Variants in NUP210 observed in about 807,000 individuals in gnomAD.
NUP210 encodes nuclear pore membrane glycoprotein 210.
NUP210 carries 151 observed loss-of-function variants against 196.0 expected under a neutral mutation model. That is an observed-to-expected ratio of 0.77 (90% CI 0.67 to 0.88). The LOEUF is 0.88. NUP210 is among the 40% of genes least tolerant of loss of function. The pLI, the probability that NUP210 is intolerant of heterozygous loss-of-function variation, is 0.00. For synonymous variants in NUP210, 1,070 were observed against 1,052.7 expected, an observed-to-expected ratio of 1.02 and a Z score of -0.32; for missense variants, 2,314 against 2,493.7, an observed-to-expected ratio of 0.93 and a Z score of 1.53.
Position 13,347,463 on chromosome 3 carries a change from A to G in NUP210, c.2836-4160T>C, listed in dbSNP as rs538992110. ...GTGCAAACCAGCCGAAAACAAAATA[A>G]AGGCCCTTACAGAGCGTTCTGGGGC... On this transcript the variant is annotated intron_variant, in intron 20 of 39. Coordinates refer to ENST00000254508, the MANE Select transcript of NUP210 (RefSeq NM_024923.4). The surrounding 1 kb of genome is among the most constrained non-coding windows in gnomAD (Gnocchi z 4.7). 3.6e-5 allele frequency: 14 copies of G among 394,264 alleles called. No individual in the cohort carries two copies. The highest frequency in any genetic ancestry group is 3.0e-4 in the African/African-American group (14 of 45,994). 24.4% of individuals were successfully genotyped at this position (394,264 alleles called of 1,614,324 possible).
At position 13,337,913 on chromosome 3, in the gene NUP210, A is replaced by T; in HGVS notation, c.3476T>A (p.Leu1159His). The T allele has an allele frequency of 6.2e-7, 1 of 1,612,680 alleles. No individual in the cohort carries two copies. Residue 1159 changes from leucine (L) to histidine (H), a missense_variant, in exon 26 of 40, where the codon CTC becomes CAC. By Grantham distance (99) the Leu-to-His change is moderately conservative (BLOSUM62 -3). Transcript: ENST00000254508. The stretch of plus-strand genomic sequence containing the variant: ...TAGCAGCAGCACCTCCACCTGCACG[A>T]GGTCCTGGGGAAACAGGGTGGCACT... The part of the protein sequence containing the change: ...TGKVVIISQD[L>H]VQVEVLLLRA...
chr3:13,334,015 A>G (rs1258957988), intron 28 of NUP210, among the ~76,000 whole-genome samples: 1 of 152,034 alleles, frequency 6.6e-6, no homozygotes, highest in African/African-American at 2.4e-5. Context: ...GTTGCTTCTC[A>G]TTGCCTGCTG....
Position 13,399,836 on chromosome 3 carries a change from T to C in NUP210, c.193A>G (p.Ser65Gly), listed in dbSNP as rs757065065. ...RWLSTRPEVA[S>G]IEPLGLDEQQ... ...TCGTCCAGGCCCAGCGGCTCGATGC[T>C]GGCCACCTCCGGCCGGGTGGACAAC... Residue 65 changes from serine to glycine, a missense_variant, in exon 2 of 40, where the codon AGC (serine) becomes GGC (glycine). Physicochemically the swap from Ser to Gly is moderately conservative, Grantham distance 56. Coordinates refer to ENST00000254508, the MANE Select transcript of NUP210 (RefSeq NM_024923.4). 6.2e-7 allele frequency: 1 copy of C among 1,611,910 alleles called. No individual in the cohort carries two copies. The highest frequency in any genetic ancestry group is 8.5e-7 in the Non-Finnish European group (1 of 1,178,988).
At chr3:13,364,696 T>C (rs1698472816) in intron 14 of NUP210, among the ~76,000 whole-genome samples, 2 of 151,934 alleles carry the variant, frequency 1.3e-5, no homozygotes, top group South Asian at 4.2e-4. Flanking sequence ...GGGATGGTGG[T>C]GCATGCCTGT....
chr3:13,362,370 CA>C (rs1412297144), intron 14 of NUP210, among the ~76,000 whole-genome samples: 1 of 152,204 alleles, frequency 6.6e-6, no homozygotes, highest in Non-Finnish European at 1.5e-5. Flanking sequence ...AGCATTTCAA[CA>C]TATGTATTTT....
intron 1 of NUP210, among the ~76,000 whole-genome samples, chr3:13,416,626 C>G (rs1700356126): frequency 6.6e-6 from 1 of 152,238 alleles, no homozygotes; most frequent in African/African-American, 2.4e-5. Context: ...TTCTCCAAGA[C>G]AGCGCCCCCT....
chr3:13,367,708 C>T (rs1192672275), intron 13 of NUP210, among the ~76,000 whole-genome samples: 1 of 152,214 alleles, frequency 6.6e-6, no homozygotes, highest in Non-Finnish European at 1.5e-5. Flanking sequence ...CTCAACTCAG[C>T]AGTGTTCATG....
chr3:13,388,020 T>C (rs527244285), intron 5 of NUP210, among the ~76,000 whole-genome samples: 1 of 152,258 alleles, frequency 6.6e-6, no homozygotes, highest in East Asian at 1.9e-4. Flanking sequence ...GGTGAGTTAC[T>C]GGAAACCTCC....
At chr3:13,352,475 G>A (rs138508967) in intron 18 of NUP210, among the ~76,000 whole-genome samples, 3 of 152,328 alleles carry the variant, frequency 2.0e-5, no homozygotes, top group East Asian at 1.9e-4. Flanking sequence ...TCACACACAC[G>A]CCCTGCCTTG....
intron 3 of NUP210, among the ~76,000 whole-genome samples, chr3:13,392,299 G>A (rs148385644): frequency 2.6e-5 from 4 of 152,258 alleles, no homozygotes; most frequent in South Asian, 2.1e-4. Flanking sequence ...CTGCTCCTTC[G>A]CCTTACTTCT....
In NUP210 at chr3:13,319,171, G is replaced by C. The variant is rs370614588; in HGVS notation, c.5480-16C>G. 4.3e-6 allele frequency: 7 copies of C among 1,611,934 alleles called. No individual in the cohort carries two copies. Among genetic ancestry groups the C allele is most frequent in the Middle Eastern group, 1.6e-4 (1 of 6,062 alleles). The stretch of plus-strand genomic sequence containing the variant: ...GTGTGGTAGGCTGCAAGAGCACAGG[G>C]TTGGTTAGAGCAGGTCGGGGCAGGG... On this transcript the variant is annotated splice_polypyrimidine_tract_variant and intron_variant, in intron 38 of 39. Coordinates refer to ENST00000254508, the MANE Select transcript of NUP210 (RefSeq NM_024923.4).
chr3:13,396,760 C>CAAAAAA lies in NUP210; in HGVS notation c.436+591_436+596dup, dbSNP rs71066951. Reference sequence around the variant, plus strand: ...GAGCAACAAGAGCAAGACTCTGTCTCAAAAAAAAAAAAAAAAAAAAAAGTT... The same window carrying CAAAAAA: ...GAGCAACAAGAGCAAGACTCTGTCTCAAAAAAAAAAAAAAAAAAAAAAAAAAAAGTT... On this transcript the variant is annotated intron_variant, in intron 3 of 39. Coordinates refer to ENST00000254508, the MANE Select transcript of NUP210 (RefSeq NM_024923.4). Among the ~76,000 whole-genome samples, 102 of 62,094 alleles carry CAAAAAA rather than the reference C, an allele frequency of 1.6e-3. 3 individuals carry two copies. Among genetic ancestry groups the CAAAAAA allele is most frequent in the African/African-American group, 7.4e-3 (100 of 13,454 alleles). 40.7% of individuals were successfully genotyped at this position (62,094 alleles called of 152,430 possible). A position where few individuals can be genotyped will look rare whatever the true frequency, so the allele number is the denominator to read the frequency against.
chr3:13,367,419 G>C (rs962431239), intron 13 of NUP210, among the ~76,000 whole-genome samples: 2 of 152,122 alleles, frequency 1.3e-5, no homozygotes, highest in Non-Finnish European at 2.9e-5. Flanking sequence ...TAGGCAACGA[G>C]GGAGCAAAAC....
chr3:13,371,691 C>G, intron 13 of NUP210, 143 bp downstream of exon 13: 1 of 742,360 alleles, frequency 1.3e-6, no homozygotes. Flanking sequence ...GACTGTGGAT[C>G]AGGAGACAAC....
chr3:13,355,511 A>G (rs1329492772), intron 16 of NUP210, among the ~76,000 whole-genome samples: 1 of 152,188 alleles, frequency 6.6e-6, no homozygotes. Context: ...AGCTTGTGCC[A>G]TGTGAAGCTA....
chr3:13,354,229 T>G, intron 16 of NUP210, 122 bp from the exon 17 acceptor site: 1 of 817,486 alleles, frequency 1.2e-6, no homozygotes, highest in Non-Finnish European at 1.9e-6. Flanking sequence ...GGTGAGGGAA[T>G]GGGATATGCC....
chr3:13,344,924 C>T (rs1221052644), intron 20 of NUP210: 1 of 985,286 alleles, frequency 1.0e-6, no homozygotes, highest in African/African-American at 1.7e-5. Context: ...AGTCTTCCTG[C>T]ATCCACGTCA....
chr3:13,323,174 TG>T lies in NUP210; in HGVS notation c.4768+134del. 1.9e-6 allele frequency: 2 copies of T among 1,079,900 alleles called. No homozygotes were observed. Among genetic ancestry groups the T allele is most frequent in the Non-Finnish European group, 2.7e-6 (2 of 748,740 alleles). The allele number at this position is 1,079,900 out of a possible 1,614,324, so 66.9% of individuals were successfully genotyped here. ...AGAAACGCTGGAAGGAGTGGATGAG[TG>T]GGGGCTAAATGCCCTCTCTGGAGTT... is the stretch of plus-strand genomic sequence containing the variant. On this transcript the variant is annotated intron_variant, in intron 34 of 39. Coordinates refer to ENST00000254508, the MANE Select transcript of NUP210 (RefSeq NM_024923.4). This position sits in a 1 kb window ranked among gnomAD's most constrained non-coding sequence, Gnocchi z 4.3.
chr3:13,333,447 G>A (rs1029861782), intron 28 of NUP210, among the ~76,000 whole-genome samples: 2 of 152,160 alleles, frequency 1.3e-5, no homozygotes, highest in Non-Finnish European at 2.9e-5. Flanking sequence ...CAATATCATC[G>A]GATCTGACGA....
Sources: allele counts gnomAD v4.1 joint callset (sites outside exome capture counted in the v4.1 genomes callset), GRCh38; gene constraint gnomAD v4.1.1; non-coding constraint Gnocchi (gnomAD v3.1); transcripts MANE v1.5; gene names NCBI Gene and HGNC (gene_info 2026-07-23, HGNC 2026-07-21).